FLRT2: variants seen among roughly 807,000 people sequenced by gnomAD.
The protein encoded by FLRT2 is leucine-rich repeat transmembrane protein FLRT2.
A neutral mutation model predicts 40.0 loss-of-function variants in FLRT2; 15 were observed. That is an observed-to-expected ratio of 0.38 (90% confidence interval 0.25 to 0.58). The LOEUF is 0.58. Among genes scored for constraint, FLRT2 ranks in the 20% least tolerant of loss-of-function variants. The probability of loss-of-function intolerance (pLI) is 0.71; values close to 1 mark genes in which losing one functional copy is unlikely to be tolerated. For missense variants in FLRT2, 726 were observed against 840.0 expected (o/e 0.86, Z 1.68); for synonymous variants, 380 against 336.8 (o/e 1.13, Z -1.41).
rs1894483233 is a variant in FLRT2, at chr14:85,653,552, A to T, written c.*30055A>T. 6.6e-6 allele frequency: 1 copy of T among 152,234 alleles called. No individual in the cohort carries two copies. The highest frequency in any genetic ancestry group is 2.1e-4 in the South Asian group (1 of 4,832). The allele number at this position is 152,234 out of a possible 1,614,324, so 9.4% of individuals were successfully genotyped here. ...GCTAGGGGATCTATTAGTATTCTCC[A>T]CATTGCTACTGAAACTTGCTGCCTT... On this transcript the variant is annotated 3_prime_UTR_variant, in exon 2 of 2. Coordinates refer to ENST00000330753, the MANE Select transcript of FLRT2 (RefSeq NM_013231.6).
At chr14:85,587,272 G>T (rs1177414371) in intron 1 of FLRT2, among the ~76,000 whole-genome samples, 1 of 145,834 alleles carries the variant, frequency 6.9e-6, no homozygotes, top group Non-Finnish European at 1.5e-5. Flanking sequence ...CCAGTTTGTA[G>T]CTGGCTAAGG....
chr14:85,593,512 C>G (rs2139320949), intron 1 of FLRT2, among the ~76,000 whole-genome samples: 1 of 152,110 alleles, frequency 6.6e-6, no homozygotes, highest in South Asian at 2.1e-4. Context: ...TCTGTGAGTG[C>G]CAGTAGGGTT....
chr14:85,562,975 GC>G (rs1166171479), intron 1 of FLRT2: 1 of 151,984 alleles, frequency 6.6e-6, no homozygotes, highest in Non-Finnish European at 1.5e-5. Flanking sequence ...CAGAAACTGG[GC>G]TTCTTGTTCT....
intron 1 of FLRT2, among the ~76,000 whole-genome samples, chr14:85,603,124 T>G (rs1305878317): frequency 6.6e-6 from 1 of 152,210 alleles, no homozygotes; most frequent in Non-Finnish European, 1.5e-5. Flanking sequence ...ACCATCTGCC[T>G]TAAATTATTA....
rs1033473442 is a variant in FLRT2 at position 85,647,338 on chromosome 14, G to A, written c.*23841G>A. On this transcript the variant is annotated 3_prime_UTR_variant, in exon 2 of 2. Transcript: ENST00000330753. ...CTTGTTATCTGTAGCAGAATTGAAT[G>A]TTGCCCAGCAATATAATATATGTAA... The A allele has an allele frequency of 6.6e-6, 1 of 152,038 alleles. No homozygotes were observed. The highest frequency in any genetic ancestry group is 1.5e-5 in the Non-Finnish European group (1 of 68,022). 9.4% of individuals were successfully genotyped at this position (152,038 alleles called of 1,614,324 possible).
intron 1 of FLRT2, among the ~76,000 whole-genome samples, chr14:85,582,918 A>G (rs1486374772): frequency 6.6e-6 from 1 of 151,898 alleles, no homozygotes; most frequent in South Asian, 2.1e-4. Context: ...TTTTTACTAT[A>G]TATTTCTATA....
intron 1 of FLRT2, among the ~76,000 whole-genome samples, chr14:85,545,264 G>C (rs889068646): frequency 3.3e-5 from 5 of 152,268 alleles, no homozygotes; most frequent in African/African-American, 9.6e-5. Flanking sequence ...TTAGAGTGCT[G>C]TTTATGCAGT....
rs1250413744 is a variant in FLRT2 at position 85,640,572 on chromosome 14, G to A, written c.*17075G>A. 2 of 152,148 alleles carry A rather than the reference G, an allele frequency of 1.3e-5. No homozygotes were observed. Among genetic ancestry groups the A allele is most frequent in the African/African-American group, 4.8e-5 (2 of 41,426 alleles). The allele number at this position is 152,148 out of a possible 1,614,324, so 9.4% of individuals were successfully genotyped here. A position where few individuals can be genotyped will look rare whatever the true frequency, so the allele number is the denominator to read the frequency against. On this transcript the variant is annotated 3_prime_UTR_variant, in exon 2 of 2. Coordinates refer to ENST00000330753, the MANE Select transcript of FLRT2 (RefSeq NM_013231.6). ...TAATAATAATGGTAATAATGACTAA[G>A]TTCTCTCATCAAGGTCTGTACCATG... is the stretch of plus-strand genomic sequence containing the variant.
At chr14:85,605,976 C>G (rs1892593229) in intron 1 of FLRT2, among the ~76,000 whole-genome samples, 1 of 152,126 alleles carries the variant, frequency 6.6e-6, no homozygotes, top group Non-Finnish European at 1.5e-5. Context: ...GTAAGATTCT[C>G]TTTTCCCTAC....
intron 1 of FLRT2, among the ~76,000 whole-genome samples, chr14:85,566,676 T>C (rs1038217198): frequency 2.6e-5 from 4 of 151,380 alleles, no homozygotes; most frequent in Non-Finnish European, 4.4e-5. Flanking sequence ...CGGTGGAATA[T>C]ACAAGGTTTA....
chr14:85,587,287 GA>G (rs748034839), intron 1 of FLRT2, among the ~76,000 whole-genome samples: 6,286 of 88,180 alleles, frequency 0.071, 156 homozygotes, highest in Middle Eastern at 0.14. Context: ...CTAAGGAATG[GA>G]AAAAAAAAAA....
chr14:85,629,918 G>C lies in FLRT2; in HGVS notation c.*6421G>C, dbSNP rs573710521. On this transcript the variant is annotated 3_prime_UTR_variant, in exon 2 of 2. Coordinates refer to ENST00000330753, the MANE Select transcript of FLRT2 (RefSeq NM_013231.6). ...GGCTGCACATTTATCTGATTTGAAG[G>C]TTTCAGATGGAATCAAGATATGTCT... 1.1e-4 allele frequency: 16 copies of C among 152,202 alleles called. No homozygotes were observed. The East Asian group carries it at 1.5e-3, about 15-fold the overall frequency. The allele number at this position is 152,202 out of a possible 1,614,324, so 9.4% of individuals were successfully genotyped here. A position where few individuals can be genotyped will look rare whatever the true frequency, so the allele number is the denominator to read the frequency against.
In FLRT2 at chr14:85,565,256, T is replaced by C. The variant is rs191648991; in HGVS notation, c.-377+34722T>C. Among the ~76,000 whole-genome samples, 144 of 152,248 alleles carry C rather than the reference T, an allele frequency of 9.5e-4. 6 individuals are homozygous for C. In the South Asian group the frequency reaches 0.022, roughly 23 times the overall value. On this transcript the variant is annotated intron_variant, in intron 1 of 1. Transcript: ENST00000330753. ...TGGAGTGTCATATATTGTTTTTGCA[T>C]AGGAGTGATATTAATAACCTGAGTA...
At chr14:85,614,404 T>A (rs1240463006) in intron 1 of FLRT2, among the ~76,000 whole-genome samples, 1 of 151,734 alleles carries the variant, frequency 6.6e-6, no homozygotes, top group Non-Finnish European at 1.5e-5. Flanking sequence ...TCAGAGAGGT[T>A]AAGTCAGGTG....
chr14:85,642,086 A>G lies in FLRT2; in HGVS notation c.*18589A>G, dbSNP rs1272345502. ...AGAGGTCCAAGGAGCATCTATGATT[A>G]TCTCCGACACTATTTTATTTCTTAC... On this transcript the variant is annotated 3_prime_UTR_variant, in exon 2 of 2. Coordinates refer to ENST00000330753, the MANE Select transcript of FLRT2 (RefSeq NM_013231.6). 1.4e-5 allele frequency: 2 copies of G among 147,914 alleles called. No homozygotes were observed. Among genetic ancestry groups the G allele is most frequent in the Non-Finnish European group, 3.0e-5 (2 of 67,544 alleles). 9.2% of individuals were successfully genotyped at this position (147,914 alleles called of 1,614,324 possible). A position where few individuals can be genotyped will look rare whatever the true frequency, so the allele number is the denominator to read the frequency against.
rs1893385325 is a variant in FLRT2 at position 85,621,606 on chromosome 14, C to T, written c.92C>T (p.Ser31Phe). The change falls in exon 2 of 2, where the codon TCC becomes TTC. Residue 31 changes from serine to phenylalanine, a missense_variant. Transcript: ENST00000330753. ...TCCCTGGGGCTCTACTCACAGGTGT[C>T]CAAACTCCTGGCCTGCCCTAGTGTG... The part of the protein sequence containing the change: ...IISLGLYSQV[S>F]KLLACPSVCR... The T allele has an allele frequency of 6.2e-7, 1 of 1,614,112 alleles. No individual in the cohort carries two copies. Among genetic ancestry groups the T allele is most frequent in the African/African-American group, 1.3e-5 (1 of 75,006 alleles).
At position 85,644,102 on chromosome 14, in the gene FLRT2, C is replaced by G. The variant is rs1376199638; in HGVS notation, c.*20605C>G. ...TCACACAATTCCCAGATTCAAGGTGCAGCAGTGGATATTTCTAAGACGTCC... is the reference window on the plus strand; with the variant it reads ...TCACACAATTCCCAGATTCAAGGTGGAGCAGTGGATATTTCTAAGACGTCC... On this transcript the variant is annotated 3_prime_UTR_variant, in exon 2 of 2. Transcript: ENST00000330753. The G allele has an allele frequency of 6.6e-6, 1 of 152,038 alleles. No individual in the cohort carries two copies. Among genetic ancestry groups the G allele is most frequent in the Non-Finnish European group, 1.5e-5 (1 of 68,012 alleles). 9.4% of individuals were successfully genotyped at this position (152,038 alleles called of 1,614,324 possible).
chr14:85,645,211 T>G lies in FLRT2; in HGVS notation c.*21714T>G, dbSNP rs1594979580. On this transcript the variant is annotated 3_prime_UTR_variant, in exon 2 of 2. Coordinates refer to ENST00000330753, the MANE Select transcript of FLRT2 (RefSeq NM_013231.6). Reference sequence around the variant, plus strand: ...ATATATATGTATACATATGTATATATGTACACATGTGTATATATGTATATA... The same window carrying G: ...ATATATATGTATACATATGTATATAGGTACACATGTGTATATATGTATATA... The G allele has an allele frequency of 4.0e-5, 6 of 151,760 alleles. No homozygotes were observed. The South Asian group carries it at 1.2e-3, about 31-fold the overall frequency. 9.4% of individuals were successfully genotyped at this position (151,760 alleles called of 1,614,324 possible). A position where few individuals can be genotyped will look rare whatever the true frequency, so the allele number is the denominator to read the frequency against.
chr14:85,586,547 A>G (rs1039148045), intron 1 of FLRT2, among the ~76,000 whole-genome samples: 17 of 136,028 alleles, frequency 1.2e-4, no homozygotes, highest in Non-Finnish European at 2.8e-4. Context: ...AATAAAATGA[A>G]CACTTAAAAA....
Sources: gnomAD v4.1 joint callset for allele counts (sites outside exome capture counted in the v4.1 genomes callset) on GRCh38, gnomAD v4.1.1 for gene constraint, MANE v1.5 for transcripts, NCBI Gene and HGNC (gene_info 2026-07-23, HGNC 2026-07-21) for gene names.